Variants in RGS22 observed in about 807,000 individuals in gnomAD.
The protein encoded by RGS22 is regulator of G protein signaling 22.
In RGS22, 148 loss-of-function variants were observed where a neutral mutation model predicts 172.9. That is an observed-to-expected ratio of 0.86 (90% CI 0.75 to 0.98). The LOEUF (loss-of-function observed/expected upper bound fraction) is 0.98, where lower values mean the gene tolerates loss of function less well. Ranked by LOEUF, RGS22 falls within the 50% of genes least tolerant of loss-of-function variation. The pLI is 0.00. For synonymous variants in RGS22, 458 were observed against 480.2 expected, an observed-to-expected ratio of 0.95 and a Z score of 0.60; for missense variants, 1,347 against 1,440.8, an observed-to-expected ratio of 0.93 and a Z score of 1.05.
rs772800374 is a variant in RGS22 at position 100,072,231 on chromosome 8, C to T, written c.340-1G>A. On this transcript the variant is annotated splice_acceptor_variant, in intron 4 of 27. Transcript: ENST00000360863. LOFTEE classifies it high-confidence loss of function. ...TAATACCTTCTTCACGACTGAGACA[C>T]TATGAGAAGAAAGAGAAAAAGAAAA... 1.2e-5 allele frequency: 19 copies of T among 1,560,308 alleles called. No homozygotes were observed. The South Asian group carries it at 2.2e-4, about 18-fold the overall frequency.
chr8:100,010,645 T>G (rs1481145662), intron 14 of RGS22, among the ~76,000 whole-genome samples: 5 of 152,182 alleles, frequency 3.3e-5, no homozygotes, highest in African/African-American at 7.2e-5. Context: ...GGGCAAAGAC[T>G]GTAGCTTATT....
chr8:99,962,681 A>G lies in RGS22; in HGVS notation c.3790+6T>C, dbSNP rs1810333805. 7 of 1,594,990 alleles carry G rather than the reference A, an allele frequency of 4.4e-6. No individual in the cohort carries two copies. The East Asian group carries it at 1.3e-4, about 31-fold the overall frequency. On this transcript the variant is annotated splice_donor_region_variant and intron_variant, in intron 26 of 27. Transcript: ENST00000360863. ...CAACTGAAGATAGACTACACTGGAAACTCACTCTGGCTGCTGTGGGCAGAC... is the reference window on the plus strand; with the variant it reads ...CAACTGAAGATAGACTACACTGGAAGCTCACTCTGGCTGCTGTGGGCAGAC...
chr8:100,042,032 T>C (rs1820191652), intron 11 of RGS22, 116 bp from the exon 12 acceptor site: 2 of 594,074 alleles, frequency 3.4e-6, no homozygotes, highest in Non-Finnish European at 6.0e-6. Context: ...TTCTGAGCAA[T>C]GTGACTCAGG....
At chr8:100,089,996 CA>C (rs1333945236) in intron 3 of RGS22, among the ~76,000 whole-genome samples, 2 of 152,034 alleles carry the variant, frequency 1.3e-5, no homozygotes, top group Non-Finnish European at 2.9e-5. Context: ...AAGGCAAAGC[CA>C]ATGACAGATT....
rs765837823 is a variant in RGS22 at position 99,982,061 on chromosome 8, A to G, written c.3236T>C (p.Ile1079Thr). 2.0e-5 allele frequency: 33 copies of G among 1,613,814 alleles called. No homozygotes were observed. The highest frequency in any genetic ancestry group is 2.5e-5 in the Non-Finnish European group (30 of 1,179,878). ...ESVIQKKITT[I>T]INCFINSSIP... is the part of the protein sequence containing the mutation. ...ACTGGAATTAATAAAGCAGTTGATA[A>G]TAGTTGTAATCTTCTTCTGGATGAC... Residue 1079 changes from isoleucine (I) to threonine (T), a missense_variant, in exon 22 of 28, where the codon ATT becomes ACT. By Grantham distance (89) the Ile-to-Thr change is moderately conservative. Coordinates refer to ENST00000360863, the MANE Select transcript of RGS22 (RefSeq NM_015668.5).
intron 14 of RGS22, among the ~76,000 whole-genome samples, chr8:100,031,439 A>C (rs1818791417): frequency 1.3e-5 from 2 of 152,270 alleles, no homozygotes; most frequent in South Asian, 2.1e-4. Flanking sequence ...GGATTTACCT[A>C]GGAATTCTCT....
intron 14 of RGS22, 124 bp from the exon 15 acceptor site, chr8:100,008,693 T>G: frequency 1.5e-6 from 1 of 655,126 alleles, no homozygotes; most frequent in South Asian, 2.3e-5. Context: ...ATATTTTTCT[T>G]GAAAATATGG....
intron 27 of RGS22, among the ~76,000 whole-genome samples, chr8:99,962,182 T>C (rs1342957528): frequency 2.0e-5 from 3 of 151,486 alleles, no homozygotes; most frequent in Non-Finnish European, 2.9e-5. Flanking sequence ...AGACAAGGAG[T>C]AAATAAAAGC....
At position 100,002,293 on chromosome 8, in the gene RGS22, T is replaced by G. The variant is rs894625215; in HGVS notation, c.2699A>C (p.Lys900Thr). The change falls in exon 18 of 28, where the codon AAG becomes ACG. Residue 900 changes from lysine to threonine, a missense_variant. Physicochemically the swap from Lys to Thr is moderately conservative, Grantham distance 78. Coordinates refer to ENST00000360863, the MANE Select transcript of RGS22 (RefSeq NM_015668.5). ...GTTTTTAATGTATATAGATTTTGCC[T>G]TCCTTTGATTTCGATCTCTGTAAGT... ...RITYRDRNQRKAKSIYIKNKY... is the reference protein window; with the variant it reads ...RITYRDRNQRTAKSIYIKNKY... 1.2e-6 allele frequency: 2 copies of G among 1,612,274 alleles called. No individual in the cohort carries two copies. Among genetic ancestry groups the G allele is most frequent in the African/African-American group, 1.3e-5 (1 of 74,926 alleles).
At chr8:100,082,803 G>C (rs1197766311) in intron 3 of RGS22, among the ~76,000 whole-genome samples, 1 of 152,190 alleles carries the variant, frequency 6.6e-6, no homozygotes, top group African/African-American at 2.4e-5. Flanking sequence ...TAGGGTAGCT[G>C]TGATTCAAAC....
intron 27 of RGS22, among the ~76,000 whole-genome samples, chr8:99,961,942 A>C (rs559230513): frequency 8.5e-5 from 13 of 152,308 alleles, no homozygotes; most frequent in African/African-American, 2.6e-4. Flanking sequence ...TCAATGAATT[A>C]CACATTATAC....
intron 9 of RGS22, among the ~76,000 whole-genome samples, chr8:100,056,992 C>T (rs1035945541): frequency 6.6e-6 from 1 of 152,146 alleles, no homozygotes; most frequent in African/African-American, 2.4e-5. Flanking sequence ...TGAAGGCAGT[C>T]GGGAGGGAGG....
intron 9 of RGS22, among the ~76,000 whole-genome samples, chr8:100,053,330 G>A (rs2131707618): frequency 6.6e-6 from 1 of 152,064 alleles, no homozygotes; most frequent in South Asian, 2.1e-4. Flanking sequence ...GGTGAGGCAG[G>A]AGATTTGCTT....
intron 8 of RGS22, 57 bp from the exon 9 acceptor site, chr8:100,062,809 CCAA>C: frequency 1.5e-6 from 2 of 1,355,888 alleles, no homozygotes; most frequent in Non-Finnish European, 2.0e-6. Context: ...TATTCAACTA[CCAA>C]AATGTAGTTG....
chr8:100,006,930 C>CT (rs200381921), intron 15 of RGS22, among the ~76,000 whole-genome samples: 5,643 of 147,422 alleles, frequency 0.038, 274 homozygotes, highest in East Asian at 0.11. Context: ...AATTCCAAAT[C>CT]TTTTTTTTTT....
At chr8:99,994,737 T>C (rs183766162) in intron 20 of RGS22, among the ~76,000 whole-genome samples, 1 of 152,260 alleles carries the variant, frequency 6.6e-6, no homozygotes, top group Admixed American at 6.5e-5. Flanking sequence ...TACCAATGAC[T>C]TTCTTCACAG....
chr8:100,000,232 T>C (rs1814889779), intron 18 of RGS22, among the ~76,000 whole-genome samples: 1 of 152,174 alleles, frequency 6.6e-6, no homozygotes, highest in South Asian at 2.1e-4. Flanking sequence ...AACTGCCCTC[T>C]TCTTTGTTCT....
chr8:99,989,749 GC>G (rs976134096), intron 20 of RGS22, among the ~76,000 whole-genome samples: 2 of 152,124 alleles, frequency 1.3e-5, no homozygotes, highest in African/African-American at 4.8e-5. Flanking sequence ...GGAGTTTGAG[GC>G]ACGAGACTTG....
intron 20 of RGS22, among the ~76,000 whole-genome samples, chr8:99,993,962 A>C (rs1429115905): frequency 6.6e-6 from 1 of 152,130 alleles, no homozygotes; most frequent in Non-Finnish European, 1.5e-5. Context: ...TGGTTCAACA[A>C]ATGCAAATCA....
Sources: gnomAD v4.1 joint callset for allele counts (sites outside exome capture counted in the v4.1 genomes callset) on GRCh38, gnomAD v4.1.1 for gene constraint, MANE v1.5 for transcripts, NCBI Gene and HGNC (gene_info 2026-07-23, HGNC 2026-07-21) for gene names.